The following MICAL2 variants were observed in gnomAD, a reference collection of about 807,000 sequenced individuals.
The protein encoded by MICAL2 is [F-actin]-monooxygenase MICAL2.
MICAL2 carries 77 observed loss-of-function variants against 127.3 expected under a neutral mutation model. The ratio of observed to expected loss-of-function variants is 0.60; its 90% confidence interval spans 0.50 to 0.73. The LOEUF (loss-of-function observed/expected upper bound fraction) is 0.73. Ranked by LOEUF, MICAL2 falls within the 30% of genes least tolerant of loss-of-function variation. The probability of loss-of-function intolerance (pLI) is 0.00; values close to 1 mark genes in which losing one functional copy is unlikely to be tolerated. For missense variants in MICAL2, 1,351 were observed against 1,434.4 expected, an observed-to-expected ratio of 0.94 and a Z score of 0.94; for synonymous variants, 570 against 551.1, an observed-to-expected ratio of 1.03 and a Z score of -0.48.
At chr11:12,303,172 T>C (rs952698214) in intron 29 of MICAL2, among the ~76,000 whole-genome samples, 10 of 152,198 alleles carry the variant, frequency 6.6e-5, no homozygotes, top group Non-Finnish European at 2.9e-5. Context: ...ATGGGGATTA[T>C]GGGGATTACA....
chr11:12,286,810 G>A (rs1213690333), intron 2 of MICAL2: 2 of 253,070 alleles, frequency 7.9e-6, no homozygotes, highest in Non-Finnish European at 7.5e-6. Flanking sequence ...GAGAGGTCGA[G>A]GGGGCAGTGA....
intron 34 of MICAL2, among the ~76,000 whole-genome samples, chr11:12,357,551 G>A (rs1458328665): frequency 6.6e-6 from 1 of 152,150 alleles, no homozygotes; most frequent in Admixed American, 6.5e-5. Context: ...ACATGAAAAA[G>A]ATTCTGGCTG....
chr11:12,201,805 A>C (rs1854029108), intron 3 of MICAL2, among the ~76,000 whole-genome samples: 1 of 152,210 alleles, frequency 6.6e-6, no homozygotes, highest in Non-Finnish European at 1.5e-5. Flanking sequence ...CCAAGGCCAT[A>C]AAATACGCCT....
chr11:12,145,713 C>T (rs1852827425), intron 2 of MICAL2, among the ~76,000 whole-genome samples: 2 of 152,188 alleles, frequency 1.3e-5, no homozygotes, highest in African/African-American at 4.8e-5. Flanking sequence ...GCAGGGCTCA[C>T]CTGTCCATGC....
exon 3 of MICAL2, chr11:12,287,292 C>T: frequency 2.5e-6 from 1 of 394,804 alleles, no homozygotes; most frequent in Non-Finnish European, 4.5e-6. Context: ...TTGTCAGAGG[C>T]AAGAAATAAA....
At chr11:12,132,695 A>G (rs965820752) in intron 1 of MICAL2, among the ~76,000 whole-genome samples, 2 of 152,210 alleles carry the variant, frequency 1.3e-5, no homozygotes, top group African/African-American at 4.8e-5. Context: ...GATCTTCCCT[A>G]TTCCCACAGA....
At chr11:12,339,162 T>A (rs1327798676) in intron 32 of MICAL2, among the ~76,000 whole-genome samples, 3 of 152,230 alleles carry the variant, frequency 2.0e-5, no homozygotes, top group African/African-American at 7.2e-5. Context: ...TTCTTTTTAC[T>A]CTTTTTTCTC....
At chr11:12,153,920 C>T (rs1590097293) in intron 2 of MICAL2, among the ~76,000 whole-genome samples, 1 of 152,336 alleles carries the variant, frequency 6.6e-6, no homozygotes, top group Non-Finnish European at 1.5e-5. Context: ...AAGATGAGCT[C>T]TGCATGTGGG....
At chr11:12,153,707 C>G (rs1026062173) in intron 2 of MICAL2, among the ~76,000 whole-genome samples, 2 of 152,164 alleles carry the variant, frequency 1.3e-5, no homozygotes, top group Non-Finnish European at 1.5e-5. Flanking sequence ...TCTCCATTCC[C>G]CACTTCCCCC....
chr11:12,142,015 GACTCAAGCACAC>G (rs1852397533), intron 2 of MICAL2, among the ~76,000 whole-genome samples: 3 of 152,236 alleles, frequency 2.0e-5, no homozygotes, highest in Non-Finnish European at 4.4e-5. Context: ...CCAGAGACAT[GACTCAAGCACAC>G]CCATAGCGCA....
At chr11:12,341,178 A>G (rs894658593) in intron 32 of MICAL2, among the ~76,000 whole-genome samples, 2 of 152,218 alleles carry the variant, frequency 1.3e-5, no homozygotes, top group South Asian at 4.1e-4. Flanking sequence ...CAGCCATTCC[A>G]GGGGAGAGGC....
intron 29 of MICAL2, among the ~76,000 whole-genome samples, chr11:12,315,656 G>A (rs1183469641): frequency 6.6e-6 from 1 of 152,114 alleles, no homozygotes; most frequent in African/African-American, 2.4e-5. Flanking sequence ...TTGTTTTAAA[G>A]CCAAGGATAT....
chr11:12,325,264 C>T (rs1864341737), intron 31 of MICAL2, among the ~76,000 whole-genome samples: 1 of 152,102 alleles, frequency 6.6e-6, no homozygotes, highest in Non-Finnish European at 1.5e-5. Flanking sequence ...AGCCCACCAC[C>T]ACGCCCAGCT....
chr11:12,279,449 T>G (rs1160718411), intron 1 of MICAL2, among the ~76,000 whole-genome samples: 1 of 152,136 alleles, frequency 6.6e-6, no homozygotes, highest in Non-Finnish European at 1.5e-5. Context: ...AGGTGATTCA[T>G]TCTGATGCCC....
intron 8 of MICAL2, among the ~76,000 whole-genome samples, chr11:12,217,618 G>C (rs1408390005): frequency 6.6e-6 from 1 of 152,134 alleles, no homozygotes; most frequent in Non-Finnish European, 1.5e-5. Context: ...GGAGAGGTTA[G>C]GCAGGCAGGC....
At position 12,310,183 on chromosome 11, in the gene MICAL2, A is replaced by T. The variant is rs1046946934; in HGVS notation, c.5213-9513A>T. 3.3e-5 allele frequency among the ~76,000 whole-genome samples: 5 copies of T among 152,052 alleles called. No individual in the cohort carries two copies. In the South Asian group the frequency reaches 6.2e-4, roughly 19 times the overall value. ...TGTACATAGGCTCTTTTGCTTGAAT[A>T]ATCTCAATAGCCTGTTTTTGCTTTT... is the stretch of plus-strand genomic sequence containing the variant. On this transcript the variant is annotated intron_variant, in intron 29 of 34. Coordinates refer to the MICAL2 transcript ENST00000646065.
intron 34 of MICAL2, among the ~76,000 whole-genome samples, chr11:12,357,903 A>T (rs1939152879): frequency 6.6e-6 from 1 of 152,168 alleles, no homozygotes; most frequent in Non-Finnish European, 1.5e-5. Context: ...CAGGTGGTTT[A>T]CTTAGAAACT....
intron 32 of MICAL2, among the ~76,000 whole-genome samples, chr11:12,336,980 G>A (rs999042291): frequency 3.3e-5 from 5 of 152,318 alleles, no homozygotes; most frequent in African/African-American, 1.2e-4. Flanking sequence ...AATGAGTTAG[G>A]AAGGATTCCT....
At chr11:12,267,955 A>C (rs1453326148), downstream of MICAL2, among the ~76,000 whole-genome samples, 1 of 152,212 alleles carries the variant, frequency 6.6e-6, no homozygotes, top group Non-Finnish European at 1.5e-5. Flanking sequence ...TCTCCAGCTC[A>C]CTGAATGCAA....
Sources: allele counts gnomAD v4.1 joint callset (sites outside exome capture counted in the v4.1 genomes callset), GRCh38; gene constraint gnomAD v4.1.1; transcripts MANE v1.5; gene names NCBI Gene and HGNC (gene_info 2026-07-23, HGNC 2026-07-21).